Variants in SEMA6D observed in about 807,000 individuals in gnomAD.
The protein encoded by SEMA6D is semaphorin 6D, also known as semaphorin-6D.
Under a neutral mutation model 106.6 loss-of-function variants are expected in SEMA6D, and 35 were observed. That is an observed-to-expected ratio of 0.33 (90% CI 0.25 to 0.44). The LOEUF is 0.44. Ranked by LOEUF, SEMA6D falls within the 20% of genes least tolerant of loss-of-function variation. The pLI, the probability that SEMA6D is intolerant of heterozygous loss-of-function variation, is 1.00. For synonymous variants in SEMA6D, 499 were observed against 487.7 expected (o/e 1.02, Z -0.31); for missense variants, 1,185 against 1,345.9 (o/e 0.88, Z 1.87).
intron 2 of SEMA6D, among the ~76,000 whole-genome samples, chr15:47,433,980 A>T (rs1423916062): frequency 6.6e-6 from 1 of 152,146 alleles, no homozygotes; most frequent in Non-Finnish European, 1.5e-5. Flanking sequence ...CTGAATATTA[A>T]GGTTTTCAGC....
chr15:47,220,843 CAGA>C (rs201403945), intron 1 of SEMA6D, among the ~76,000 whole-genome samples: 1,849 of 152,292 alleles, frequency 0.012, 42 homozygotes, highest in Admixed American at 0.012. Context: ...TTTTGTTTTA[CAGA>C]AGATTAATCC....
intron 1 of SEMA6D, among the ~76,000 whole-genome samples, chr15:47,330,908 A>T (rs925786376): frequency 6.6e-6 from 1 of 152,162 alleles, no homozygotes; most frequent in Non-Finnish European, 1.5e-5. Context: ...TTCATCAAGA[A>T]TGCATACCTG....
rs191004760 is a variant in SEMA6D at position 47,231,716 on chromosome 15, A to G, written c.-239+47298A>G. On this transcript the variant is annotated intron_variant, in intron 1 of 19. Coordinates refer to the SEMA6D transcript ENST00000558014. ...CAGTTTATCCCTTCAGGAGATGGCA[A>G]TTAGGAGAAGAAATATTTTCTAATT... Among the ~76,000 whole-genome samples the G allele has an allele frequency of 2.0e-3, 303 of 152,170 alleles. 2 individuals carry two copies. Among genetic ancestry groups the G allele is most frequent in the African/African-American group, 6.9e-3 (286 of 41,552 alleles).
chr15:47,596,258 G>A (rs917386063), intron 3 of SEMA6D, among the ~76,000 whole-genome samples: 10 of 151,898 alleles, frequency 6.6e-5, no homozygotes, highest in South Asian at 4.1e-4. Flanking sequence ...CAATGAAAAC[G>A]TAGAACATCG....
intron 3 of SEMA6D, among the ~76,000 whole-genome samples, chr15:47,505,113 G>A (rs1392246994): frequency 1.3e-5 from 2 of 152,054 alleles, no homozygotes; most frequent in Non-Finnish European, 2.9e-5. Context: ...CAGGCCTTCC[G>A]GAAGTTAGAT....
intron 1 of SEMA6D, chr15:47,275,192 G>A (rs1476491742): frequency 4.6e-5 from 7 of 152,116 alleles, no homozygotes; most frequent in African/African-American, 1.7e-4. Flanking sequence ...ATGATTGCCT[G>A]CATTTTCTGT....
chr15:47,692,274 G>A (rs971896759), intron 4 of SEMA6D, among the ~76,000 whole-genome samples: 20 of 152,106 alleles, frequency 1.3e-4, no homozygotes, highest in African/African-American at 4.8e-4. Context: ...CCCGACTCCA[G>A]CCCATACCTT....
intron 4 of SEMA6D, among the ~76,000 whole-genome samples, chr15:47,696,074 A>C (rs1485318676): frequency 6.6e-6 from 1 of 152,180 alleles, no homozygotes; most frequent in Non-Finnish European, 1.5e-5. Context: ...TAGCACAAAC[A>C]AAGGTCTTCT....
chr15:47,761,776 ATAAATGATTAATGACAT>A (rs2082073507), intron 7 of SEMA6D, 25 bp downstream of exon 7: 1 of 1,541,800 alleles, frequency 6.5e-7, no homozygotes, highest in Non-Finnish European at 8.9e-7. Context: ...CGTAATGAAT[ATAAATGATTAATGACAT>A]TGAAGGTGAA....
intron 4 of SEMA6D, among the ~76,000 whole-genome samples, chr15:47,668,985 G>A (rs2078086745): frequency 6.6e-6 from 1 of 152,086 alleles, no homozygotes; most frequent in Non-Finnish European, 1.5e-5. Flanking sequence ...TAGAAAAGTT[G>A]AAAAATATTA....
chr15:47,232,170 A>G (rs1179989967), intron 1 of SEMA6D, among the ~76,000 whole-genome samples: 2 of 152,016 alleles, frequency 1.3e-5, no homozygotes, highest in Non-Finnish European at 2.9e-5. Context: ...TCCATGTTGC[A>G]GTATGATCAA....
chr15:47,644,893 G>C (rs991831584), intron 4 of SEMA6D, among the ~76,000 whole-genome samples: 2 of 152,160 alleles, frequency 1.3e-5, no homozygotes, highest in African/African-American at 2.4e-5. Flanking sequence ...TTGGGGGCCT[G>C]ATTTAGTCTC....
chr15:47,333,924 T>C (rs144091324), intron 1 of SEMA6D, among the ~76,000 whole-genome samples: 1 of 152,322 alleles, frequency 6.6e-6, no homozygotes, highest in East Asian at 1.9e-4. Context: ...GAAGGCAATC[T>C]AATCTGATTG....
chr15:47,554,169 G>A (rs765063082), intron 3 of SEMA6D, among the ~76,000 whole-genome samples: 1 of 152,162 alleles, frequency 6.6e-6, no homozygotes, highest in African/African-American at 2.4e-5. Context: ...CTTGCTCAAG[G>A]TCACACAGCT....
intron 4 of SEMA6D, among the ~76,000 whole-genome samples, chr15:47,623,102 T>C (rs899766756): frequency 6.6e-5 from 10 of 152,168 alleles, no homozygotes; most frequent in Non-Finnish European, 1.3e-4. Context: ...GTCAAAATAG[T>C]GATGTCAAGT....
chr15:47,313,458 T>C (rs1301775650), intron 1 of SEMA6D, among the ~76,000 whole-genome samples: 2 of 152,242 alleles, frequency 1.3e-5, no homozygotes, highest in Non-Finnish European at 2.9e-5. Flanking sequence ...TAGCTATTTT[T>C]TAGTGCTGAA....
chr15:47,767,843 A>G (rs919643299), intron 17 of SEMA6D, among the ~76,000 whole-genome samples: 8 of 152,234 alleles, frequency 5.3e-5, no homozygotes, highest in African/African-American at 1.9e-4. Flanking sequence ...AAAACTCACC[A>G]GCAATTCCTT....
At chr15:47,341,549 A>G (rs922722738) in intron 1 of SEMA6D, among the ~76,000 whole-genome samples, 1 of 152,212 alleles carries the variant, frequency 6.6e-6, no homozygotes, top group African/African-American at 2.4e-5. Flanking sequence ...GTATTCTCCC[A>G]GAACCTTCCC....
intron 4 of SEMA6D, among the ~76,000 whole-genome samples, chr15:47,619,402 C>A (rs759359105): frequency 6.6e-6 from 1 of 152,144 alleles, no homozygotes. Context: ...GATGACAAGT[C>A]GCACTTGGCC....
Sources: allele counts gnomAD v4.1 joint callset (sites outside exome capture counted in the v4.1 genomes callset), GRCh38; gene constraint gnomAD v4.1.1; transcripts MANE v1.5; gene names NCBI Gene and HGNC (gene_info 2026-07-23, HGNC 2026-07-21).